Variants in CNNM2 observed in about 807,000 individuals in gnomAD.
The protein encoded by CNNM2 is metal transporter CNNM2.
CNNM2 carries 12 observed loss-of-function variants against 66.9 expected under a neutral mutation model. The observed-to-expected ratio is 0.18, with a 90% CI of 0.11 to 0.29. The LOEUF (loss-of-function observed/expected upper bound fraction) is 0.29. Among genes scored for constraint, CNNM2 ranks in the 10% least tolerant of loss-of-function variants. The probability of loss-of-function intolerance (pLI) is 1.00; values close to 1 mark genes in which losing one functional copy is unlikely to be tolerated. For synonymous variants in CNNM2, 557 were observed against 501.8 expected, an observed-to-expected ratio of 1.11 and a Z score of -1.47; for missense variants, 705 against 1,167.7, an observed-to-expected ratio of 0.60 and a Z score of 5.77.
chr10:102,958,989 C>G (rs923998827), intron 1 of CNNM2, among the ~76,000 whole-genome samples: 3 of 151,886 alleles, frequency 2.0e-5, no homozygotes, highest in South Asian at 2.1e-4. Flanking sequence ...GCTGTGTCAC[C>G]CAGGCTGGAG....
At chr10:102,988,723 A>T (rs923873776) in intron 1 of CNNM2, among the ~76,000 whole-genome samples, 4 of 152,128 alleles carry the variant, frequency 2.6e-5, no homozygotes, top group African/African-American at 7.2e-5. Flanking sequence ...TGGGCACTTA[A>T]TTATACCTAA....
chr10:103,023,654 C>T (rs2064638920), intron 1 of CNNM2, among the ~76,000 whole-genome samples: 1 of 152,158 alleles, frequency 6.6e-6, no homozygotes, highest in Admixed American at 6.5e-5. Flanking sequence ...TCACTAGGCC[C>T]CATCTCCAAC....
In CNNM2 at chr10:103,076,206, C is replaced by T. The variant is rs1256298908; in HGVS notation, c.2354C>T (p.Ser785Leu). The T allele has an allele frequency of 4.4e-6, 7 of 1,589,940 alleles. No homozygotes were observed. The highest frequency in any genetic ancestry group is 2.3e-5 in the East Asian group (1 of 43,750). The change falls in exon 7 of 8, where the codon TCG becomes TTG. Residue 785 changes from serine to leucine, a missense_variant. Physicochemically the swap from Ser to Leu is moderately radical, Grantham distance 145. Transcript: ENST00000369878. The stretch of plus-strand genomic sequence containing the variant: ...AGCAGCAATAACCAGCTCAATTCTT[C>T]GCTCCTCCAAGTCTACATCCCCGAT... The part of the protein sequence containing the change: ...LGSSNNQLNS[S>L]LLQVYIPDYS...
At chr10:103,046,999 T>G (rs971684228) in intron 1 of CNNM2, among the ~76,000 whole-genome samples, 2 of 152,230 alleles carry the variant, frequency 1.3e-5, no homozygotes, top group African/African-American at 4.8e-5. Flanking sequence ...AGAAGAATAC[T>G]GAATAATATA....
chr10:103,035,194 A>T (rs1282740940), intron 1 of CNNM2, among the ~76,000 whole-genome samples: 4 of 152,200 alleles, frequency 2.6e-5, no homozygotes, highest in African/African-American at 9.7e-5. Flanking sequence ...TAGTCTGGTC[A>T]GTCCTCGTTT....
chr10:102,933,536 A>C (rs1846131141), intron 1 of CNNM2, among the ~76,000 whole-genome samples: 2 of 152,204 alleles, frequency 1.3e-5, no homozygotes. Context: ...AAATGCTTTT[A>C]AAAAACATGA....
rs748696153 is a variant in CNNM2 at position 103,068,680 on chromosome 10, G to T, written c.2125G>T (p.Ala709Ser). 1.2e-6 allele frequency: 2 copies of T among 1,613,180 alleles called. No individual in the cohort carries two copies. The highest frequency in any genetic ancestry group is 1.7e-6 in the Non-Finnish European group (2 of 1,179,612). ...AGAAGGTATGAAGTTTGAAGCGAGC[G>T]CCTTCTCATACTATGGCGTGATGGC... is the stretch of plus-strand genomic sequence containing the variant. ...GKEGMKFEAS[A>S]FSYYGVMALT... The change falls in exon 5 of 8, where the codon GCC becomes TCC. Residue 709 changes from alanine to serine, a missense_variant. By Grantham distance (99) the Ala-to-Ser change is moderately conservative. Coordinates refer to ENST00000369878, the MANE Select transcript of CNNM2 (RefSeq NM_017649.5).
chr10:102,978,744 C>T (rs2063676290), intron 1 of CNNM2, among the ~76,000 whole-genome samples: 1 of 152,142 alleles, frequency 6.6e-6, no homozygotes, highest in Non-Finnish European at 1.5e-5. Context: ...GAGCAAGAAA[C>T]GGAATGTGAC....
chr10:103,001,023 A>G (rs1362470524), intron 1 of CNNM2, among the ~76,000 whole-genome samples: 2 of 152,242 alleles, frequency 1.3e-5, no homozygotes, highest in East Asian at 1.9e-4. Context: ...AGAAATTCTG[A>G]CATATGCTAC....
At chr10:103,019,239 A>G (rs2064519318) in intron 1 of CNNM2, among the ~76,000 whole-genome samples, 1 of 151,228 alleles carries the variant, frequency 6.6e-6, no homozygotes, top group East Asian at 1.9e-4. Flanking sequence ...ACTGCACTCC[A>G]GCCTGGGCGA....
intron 1 of CNNM2, among the ~76,000 whole-genome samples, chr10:102,989,664 A>G (rs1308091449): frequency 1.3e-5 from 2 of 151,900 alleles, no homozygotes; most frequent in Non-Finnish European, 2.9e-5. Flanking sequence ...TTAGCCAGGC[A>G]TGGTGGCGCA....
chr10:103,075,949 A>T, intron 6 of CNNM2, 137 bp from the exon 7 acceptor site: 1 of 780,194 alleles, frequency 1.3e-6, no homozygotes, highest in Admixed American at 2.6e-5. Flanking sequence ...ACCCTCTGGC[A>T]TACTGTGCGG....
intron 2 of CNNM2, among the ~76,000 whole-genome samples, chr10:103,052,686 G>A (rs941426397): frequency 6.6e-6 from 1 of 151,946 alleles, no homozygotes; most frequent in African/African-American, 2.4e-5. Flanking sequence ...GCTAATTTTT[G>A]TATTTTTAGT....
At chr10:103,061,950 C>T (rs549120897) in intron 4 of CNNM2, among the ~76,000 whole-genome samples, 18 of 152,170 alleles carry the variant, frequency 1.2e-4, no homozygotes, top group African/African-American at 4.3e-4. Flanking sequence ...AACAGATGCC[C>T]CATCCCCTCA....
chr10:103,042,288 C>T (rs1368927430), intron 1 of CNNM2, among the ~76,000 whole-genome samples: 2 of 152,210 alleles, frequency 1.3e-5, no homozygotes, highest in Non-Finnish European at 2.9e-5. Flanking sequence ...CACCATCCTC[C>T]CTGGCTTGGC....
intron 4 of CNNM2, chr10:103,068,349 A>G (rs560062862): frequency 3.0e-6 from 1 of 335,720 alleles, no homozygotes; most frequent in Non-Finnish European, 5.6e-6. Context: ...ATCTATCTCT[A>G]CAAAGAAAAC....
At position 102,940,003 on chromosome 10, in the gene CNNM2, A is replaced by AAAAAC. The variant is rs1554889979; in HGVS notation, c.1621+19906_1621+19907insCAAAA. Among the ~76,000 whole-genome samples, 1,342 of 150,748 alleles carry AAAAAC rather than the reference A, an allele frequency of 8.9e-3. 12 individuals are homozygous for AAAAAC. The highest frequency in any genetic ancestry group is 0.017 in the African/African-American group (702 of 40,936). ...CAAACAACAACAACAACAACAACAA[A>AAAAAC]AAAAAAACCGCCATGTAGGAGACGG... On this transcript the variant is annotated intron_variant, in intron 1 of 7. Coordinates refer to ENST00000369878, the MANE Select transcript of CNNM2 (RefSeq NM_017649.5).
At position 103,083,136 on chromosome 10, in the gene CNNM2, A is replaced by C. The variant is rs973851769; in HGVS notation, c.*5956A>C. The stretch of plus-strand genomic sequence containing the variant: ...GCCTTTATTCACTGTATCATAGTGT[A>C]CAGGTCATGCATTTGAGCAGTGAAG... On this transcript the variant is annotated 3_prime_UTR_variant, in exon 8 of 8. Transcript: ENST00000369878. The C allele has an allele frequency of 6.6e-6, 1 of 152,214 alleles. No homozygotes were observed. Among genetic ancestry groups the C allele is most frequent in the Non-Finnish European group, 1.5e-5 (1 of 68,044 alleles). The allele number at this position is 152,214 out of a possible 1,614,324, so 9.4% of individuals were successfully genotyped here.
At chr10:103,053,894 C>T (rs1017430453) in intron 2 of CNNM2, among the ~76,000 whole-genome samples, 4 of 152,208 alleles carry the variant, frequency 2.6e-5, no homozygotes, top group Admixed American at 2.0e-4. Context: ...CTCTTACAGG[C>T]AGGGACACTC....
Sources: allele counts gnomAD v4.1 joint callset (sites outside exome capture counted in the v4.1 genomes callset), GRCh38; gene constraint gnomAD v4.1.1; transcripts MANE v1.5; gene names NCBI Gene and HGNC (gene_info 2026-07-23, HGNC 2026-07-21).